Variants in CPS1 observed in about 807,000 individuals in gnomAD.
The protein encoded by CPS1 is carbamoyl-phosphate synthase 1, also known as carbamoyl-phosphate synthase [ammonia], mitochondrial.
A neutral mutation model predicts 174.6 loss-of-function variants in CPS1; 109 were observed. The observed-to-expected ratio is 0.62, with a 90% CI of 0.53 to 0.73. The LOEUF is 0.73. Among genes scored for constraint, CPS1 ranks in the 30% least tolerant of loss-of-function variants. CPS1 has a pLI of 0.00. For synonymous variants in CPS1, 637 were observed against 632.0 expected (o/e 1.01, Z -0.12); for missense variants, 1,689 against 1,821.9 (o/e 0.93, Z 1.33).
At chr2:210,666,012 G>A (rs1303110086) in intron 33 of CPS1, among the ~76,000 whole-genome samples, 1 of 150,260 alleles carries the variant, frequency 6.7e-6, no homozygotes, top group Non-Finnish European at 1.5e-5. Flanking sequence ...TTTAATGATT[G>A]CCATTCTAAC....
intron 6 of CPS1, among the ~76,000 whole-genome samples, chr2:210,583,283 A>G (rs1487603208): frequency 6.6e-6 from 1 of 152,154 alleles, no homozygotes; most frequent in Admixed American, 6.6e-5. Context: ...AAAGAAGTCC[A>G]TTGGTTTTGA....
chr2:210,660,767 C>T (rs1700893273), intron 32 of CPS1, 112 bp downstream of exon 32: 6 of 1,032,350 alleles, frequency 5.8e-6, no homozygotes, highest in Non-Finnish European at 7.3e-6. Flanking sequence ...AAGGGTTGGA[C>T]TAGGGATTTA....
At chr2:210,581,506 C>G (rs186935481) in intron 5 of CPS1, among the ~76,000 whole-genome samples, 89 of 152,202 alleles carry the variant, frequency 5.8e-4, no homozygotes, top group African/African-American at 1.9e-3. Flanking sequence ...GTATTTCATT[C>G]AGCATGTTTT....
At chr2:210,537,787 G>T (rs186077386) in intron 1 of CPS1, among the ~76,000 whole-genome samples, 46 of 152,148 alleles carry the variant, frequency 3.0e-4, no homozygotes, top group African/African-American at 1.1e-3. Flanking sequence ...GCAGAGGCTC[G>T]AGTAATTTGT....
intron 8 of CPS1, among the ~76,000 whole-genome samples, chr2:210,590,467 T>A (rs1184833123): frequency 6.6e-6 from 1 of 151,968 alleles, no homozygotes; most frequent in Non-Finnish European, 1.5e-5. Flanking sequence ...TGTCCTTGAG[T>A]TAAAAGAACT....
chr2:210,648,426 A>G lies in CPS1; in HGVS notation c.3337-47A>G, dbSNP rs769559521. 8 of 1,461,038 alleles carry G rather than the reference A, an allele frequency of 5.5e-6. No individual in the cohort carries two copies. In the East Asian group the frequency reaches 9.1e-5, roughly 17 times the overall value. 90.5% of individuals were successfully genotyped at this position (1,461,038 alleles called of 1,614,324 possible). On this transcript the variant is annotated intron_variant, in intron 26 of 37. Coordinates refer to ENST00000233072, the MANE Select transcript of CPS1 (RefSeq NM_001875.5). ...ATGATACATTCTGTAATTTTATTGC[A>G]TATTTTAAACTACTCATACATTTTT...
At chr2:210,579,847 G>C in intron 5 of CPS1, 77 bp downstream of exon 5, 1 of 1,147,350 alleles carries the variant, frequency 8.7e-7, no homozygotes, top group Non-Finnish European at 1.3e-6. Context: ...GTTTCCCTCA[G>C]TGCCTAAGGG....
intron 11 of CPS1, chr2:210,593,486 G>A (rs1698379616): frequency 1.0e-6 from 1 of 988,956 alleles, no homozygotes; most frequent in African/African-American, 1.7e-5. Context: ...GCTTAGAGGA[G>A]TTTTGTATTT....
intron 5 of CPS1, 53 bp downstream of exon 5, chr2:210,579,823 T>A: frequency 2.1e-6 from 3 of 1,436,484 alleles, no homozygotes; most frequent in Non-Finnish European, 2.9e-6. Flanking sequence ...TGTGTGTGTG[T>A]GTGTGTGTGT....
intron 1 of CPS1, among the ~76,000 whole-genome samples, chr2:210,513,678 G>A (rs1267427535): frequency 6.6e-6 from 1 of 151,948 alleles, no homozygotes; most frequent in East Asian, 1.9e-4. Flanking sequence ...CTGCTGTGCA[G>A]CTCTTTAGTT....
Position 210,605,146 on chromosome 2 carries a change from A to G in CPS1, c.1881A>G (p.Thr627=). ...TNQILVEKSV[T]GWKEIEYEVV... The stretch of plus-strand genomic sequence containing the variant: ...AAATTCTGGTGGAGAAGTCAGTGAC[A>G]GGTTGGAAAGAAATAGAATATGAAG... Residue 627 remains threonine, a synonymous_variant, in exon 17 of 38, where the codon ACA becomes ACG. Transcript: ENST00000233072. 2 of 1,612,130 alleles carry G rather than the reference A, an allele frequency of 1.2e-6. No homozygotes were observed. The highest frequency in any genetic ancestry group is 1.7e-6 in the Non-Finnish European group (2 of 1,178,780).
rs1447544355 is a variant in CPS1, at chr2:210,508,422, A to G, written c.3+30656A>G. The stretch of plus-strand genomic sequence containing the variant: ...ATAGCACTAAATGCCCACAAGAGAA[A>G]GCAGGAAAGATCTAAAATTGACACC... On this transcript the variant is annotated intron_variant, in intron 1 of 38. Transcript: ENST00000430249. 8.8e-3 allele frequency among the ~76,000 whole-genome samples: 1,335 copies of G among 151,976 alleles called. 13 individuals carry two copies. The highest frequency in any genetic ancestry group is 0.028 in the African/African-American group (1,169 of 41,468).
chr2:210,668,265 G>C lies in CPS1; in HGVS notation c.4082G>C (p.Gly1361Ala), dbSNP rs775939711. The C allele has an allele frequency of 1.2e-6, 2 of 1,613,514 alleles. No homozygotes were observed. Among genetic ancestry groups the C allele is most frequent in the African/African-American group, 1.3e-5 (1 of 74,982 alleles). Residue 1361 changes from glycine (G) to alanine (A), a missense_variant, in exon 34 of 38, where the codon GGC becomes GCC. Gly to Ala is a moderately conservative substitution (Grantham distance 60). Transcript: ENST00000233072. ...ACAGGATTTAAGATACCCCAGAAAG[G>C]CATCCTGATAGGCATCCAGGTAAGT... Reference protein sequence around the residue: ...LSTGFKIPQKGILIGIQQSFR... With the variant: ...LSTGFKIPQKAILIGIQQSFR...
intron 21 of CPS1, among the ~76,000 whole-genome samples, chr2:210,620,595 TACAATC>T (rs1358925024): frequency 1.3e-5 from 2 of 152,018 alleles, no homozygotes; most frequent in African/African-American, 4.8e-5. Context: ...TCAGAAATCT[TACAATC>T]ATGGCGGAAG....
At chr2:210,483,153 CA>C (rs893653454) in intron 1 of CPS1, among the ~76,000 whole-genome samples, 12 of 152,114 alleles carry the variant, frequency 7.9e-5, no homozygotes, top group African/African-American at 2.9e-4. Context: ...ACCTTTAAGC[CA>C]GGGGTAAGCA....
intron 1 of CPS1, among the ~76,000 whole-genome samples, chr2:210,540,976 A>G (rs968710522): frequency 6.6e-6 from 1 of 152,204 alleles, no homozygotes; most frequent in African/African-American, 2.4e-5. Context: ...AAAGGCAAGT[A>G]GTTGACCTCC....
At chr2:210,574,073 T>C (rs956023053) in intron 2 of CPS1, among the ~76,000 whole-genome samples, 1 of 152,084 alleles carries the variant, frequency 6.6e-6, no homozygotes, top group East Asian at 1.9e-4. Flanking sequence ...AATAAATGTT[T>C]GTTCACCTGG....
In CPS1 at chr2:210,575,516, GCACA is replaced by G. The variant is rs71395588; in HGVS notation, c.237-806_237-803del. On this transcript the variant is annotated intron_variant, in intron 2 of 37. Coordinates refer to ENST00000233072, the MANE Select transcript of CPS1 (RefSeq NM_001875.5). Reference sequence around the variant, plus strand: ...GTATATACACACACGATATGTATATGCACACACACACACACACACACACACACGA... The same window carrying G: ...GTATATACACACACGATATGTATATGCACACACACACACACACACACACGA... Among the ~76,000 whole-genome samples the G allele has an allele frequency of 5.7e-3, 831 of 145,900 alleles. 5 individuals are homozygous for G. The Middle Eastern group carries it at 0.067, about 12-fold the overall frequency.
At chr2:210,593,309 C>T in intron 11 of CPS1, 1 of 1,108,428 alleles carries the variant, frequency 9.0e-7, no homozygotes, top group Non-Finnish European at 1.1e-6. Context: ...AAATTTTAAT[C>T]CCCCATCTGT....
Sources: gnomAD v4.1 joint callset for allele counts (sites outside exome capture counted in the v4.1 genomes callset) on GRCh38, gnomAD v4.1.1 for gene constraint, MANE v1.5 for transcripts, NCBI Gene and HGNC (gene_info 2026-07-23, HGNC 2026-07-21) for gene names.